GPR89A: variants seen among roughly 807,000 people sequenced by gnomAD.
GPR89A encodes G protein-coupled receptor 89A.
A neutral mutation model predicts 52.0 loss-of-function variants in GPR89A; 16 were observed. That is an observed-to-expected ratio of 0.31 (90% CI 0.21 to 0.47). The LOEUF (loss-of-function observed/expected upper bound fraction) is 0.47. GPR89A is among the 20% of genes least tolerant of loss of function. GPR89A has a pLI of 1.00. For missense variants in GPR89A, 135 were observed against 449.4 expected, an observed-to-expected ratio of 0.30 and a Z score of 6.33; for synonymous variants, 55 against 150.9, an observed-to-expected ratio of 0.36 and a Z score of 4.66.
intron 2 of GPR89A, among the ~76,000 whole-genome samples, chr1:145,617,620 A>C (rs1222508423): frequency 6.6e-6 from 1 of 152,092 alleles, no homozygotes; most frequent in African/African-American, 2.4e-5. Flanking sequence ...AAAAGTATTA[A>C]TTTTGGGAAC....
intron 10 of GPR89A, among the ~76,000 whole-genome samples, chr1:145,652,712 G>A (rs1449325443): frequency 3.3e-4 from 39 of 119,228 alleles, no homozygotes; most frequent in African/African-American, 1.4e-3. Context: ...TCCTGGTTCA[G>A]TCTTGGGAGG....
At chr1:145,616,435 A>G in intron 2 of GPR89A, 142 bp downstream of exon 2, 1 of 738,060 alleles carries the variant, frequency 1.4e-6, no homozygotes, top group Non-Finnish European at 2.2e-6. Flanking sequence ...AGATTGCAGA[A>G]TATAAGTAGA....
intron 10 of GPR89A, among the ~76,000 whole-genome samples, chr1:145,648,360 A>G (rs868931453): frequency 2.3e-4 from 35 of 151,916 alleles, no homozygotes; most frequent in Middle Eastern, 6.8e-3. Flanking sequence ...ATTGATGTCA[A>G]TAATACTCAG....
intron 10 of GPR89A, among the ~76,000 whole-genome samples, chr1:145,648,780 G>A (rs587659695): frequency 7.5e-5 from 10 of 132,764 alleles, no homozygotes; most frequent in African/African-American, 2.6e-4. Flanking sequence ...CATCACACCC[G>A]GCCTAGGGAA....
intron 8 of GPR89A, 96 bp from the exon 9 acceptor site, chr1:145,646,088 G>C (rs1296781009): frequency 5.7e-6 from 9 of 1,588,148 alleles, no homozygotes; most frequent in Non-Finnish European, 7.8e-6. Flanking sequence ...GGCAACTCCG[G>C]GAATCCACTG....
intron 10 of GPR89A, among the ~76,000 whole-genome samples, chr1:145,659,571 A>G (rs1205242171): frequency 1.4e-5 from 2 of 142,328 alleles, no homozygotes; most frequent in Non-Finnish European, 1.5e-5. Flanking sequence ...GCGTGCTCCA[A>G]TTTCTCCACA....
chr1:145,614,968 C>T (rs1287614479), intron 1 of GPR89A, among the ~76,000 whole-genome samples: 1 of 152,116 alleles, frequency 6.6e-6, no homozygotes, highest in African/African-American at 2.4e-5. Flanking sequence ...ACTGAGTTTA[C>T]ACTTGCTCAG....
At chr1:145,668,002 G>C (rs1488756995) in intron 12 of GPR89A, among the ~76,000 whole-genome samples, 1 of 152,114 alleles carries the variant, frequency 6.6e-6, no homozygotes, top group Admixed American at 6.5e-5. Flanking sequence ...AAGTCAGGTA[G>C]TGTGATGCCT....
intron 7 of GPR89A, among the ~76,000 whole-genome samples, chr1:145,642,943 G>A (rs1405846988): frequency 5.3e-5 from 8 of 152,090 alleles, no homozygotes; most frequent in Non-Finnish European, 1.2e-4. Context: ...AGGACCAGGA[G>A]TGGTAGGTTT....
At chr1:145,662,907 G>A (rs1484426179) in intron 10 of GPR89A, among the ~76,000 whole-genome samples, 2 of 148,906 alleles carry the variant, frequency 1.3e-5, no homozygotes, top group Non-Finnish European at 3.0e-5. Flanking sequence ...TATTCCATTT[G>A]ATATCGTTTG....
intron 11 of GPR89A, among the ~76,000 whole-genome samples, chr1:145,665,147 G>C (rs1201571793): frequency 6.6e-6 from 1 of 151,950 alleles, no homozygotes; most frequent in Non-Finnish European, 1.5e-5. Context: ...TGTATCATTA[G>C]TTCTGTTTTT....
intron 11 of GPR89A, among the ~76,000 whole-genome samples, chr1:145,663,797 C>T (rs1158519060): frequency 1.3e-5 from 2 of 152,122 alleles, no homozygotes; most frequent in Non-Finnish European, 2.9e-5. Flanking sequence ...GCTCTTCAAA[C>T]ACACAACTCA....
intron 2 of GPR89A, 129 bp downstream of exon 2, chr1:145,616,422 A>G: frequency 2.6e-6 from 2 of 764,986 alleles, no homozygotes; most frequent in South Asian, 3.7e-5. Flanking sequence ...CTATATAACT[A>G]TTAGATTGCA....
chr1:145,620,551 A>T (rs1433041435), intron 3 of GPR89A, among the ~76,000 whole-genome samples: 1 of 149,246 alleles, frequency 6.7e-6, no homozygotes, highest in Admixed American at 6.7e-5. Flanking sequence ...AAGAAGTAGC[A>T]TTGCTAAAAT....
intron 8 of GPR89A, chr1:145,645,204 A>G (rs2101804081): frequency 5.1e-6 from 1 of 194,744 alleles, no homozygotes; most frequent in Admixed American, 5.3e-5. Context: ...TAATCATGGG[A>G]GAGACAGACA....
intron 10 of GPR89A, among the ~76,000 whole-genome samples, chr1:145,652,525 G>A: frequency 7.8e-6 from 1 of 127,460 alleles, no homozygotes; most frequent in East Asian, 2.3e-4. Flanking sequence ...AATGAGTTAG[G>A]GAGGAGTCCC....
chr1:145,649,689 T>C (rs1476768584), intron 10 of GPR89A, among the ~76,000 whole-genome samples: 2 of 151,584 alleles, frequency 1.3e-5, no homozygotes, highest in Non-Finnish European at 2.9e-5. Context: ...CTGGATCATA[T>C]GGCAGATGTA....
intron 11 of GPR89A, among the ~76,000 whole-genome samples, chr1:145,664,267 A>G (rs1227801098): frequency 6.6e-6 from 1 of 152,170 alleles, no homozygotes; most frequent in Non-Finnish European, 1.5e-5. Flanking sequence ...CTCAATGTAC[A>G]TGTTTCTTGA....
At position 145,608,196 on chromosome 1, in the gene GPR89A, C is replaced by T. The variant is rs1553685306; in HGVS notation, c.42+21C>T. ...CCCAGGTGAGTCACCGCCTCCCGCC[C>T]CGACACCCGTCCGCCTCCCTTTACC... is the stretch of plus-strand genomic sequence containing the variant. On this transcript the variant is annotated intron_variant, in intron 1 of 13. Coordinates refer to ENST00000313835, the MANE Select transcript of GPR89A (RefSeq NM_001097612.2). The T allele has an allele frequency of 3.1e-6, 5 of 1,613,868 alleles. No individual in the cohort carries two copies. In the South Asian group the frequency reaches 4.4e-5, roughly 14 times the overall value.
Sources: gnomAD v4.1 joint callset for allele counts (sites outside exome capture counted in the v4.1 genomes callset) on GRCh38, gnomAD v4.1.1 for gene constraint, MANE v1.5 for transcripts, NCBI Gene and HGNC (gene_info 2026-07-23, HGNC 2026-07-21) for gene names.